The following TMCO4 variants were observed in gnomAD, a reference collection of about 807,000 sequenced individuals.
TMCO4 encodes transmembrane and coiled-coil domain-containing protein 4.
A neutral mutation model predicts 64.7 loss-of-function variants in TMCO4; 58 were observed. The observed-to-expected ratio is 0.90, with a 90% CI of 0.73 to 1.12. The LOEUF (loss-of-function observed/expected upper bound fraction) is 1.12, where lower values mean the gene tolerates loss of function less well. Ranked by LOEUF, TMCO4 falls within the 50% of genes most tolerant of loss-of-function variation. The pLI, the probability that TMCO4 is intolerant of heterozygous loss-of-function variation, is 0.00. For synonymous variants in TMCO4, 325 were observed against 346.1 expected (o/e 0.94, Z 0.68); for missense variants, 780 against 825.9 (o/e 0.94, Z 0.68).
At chr1:19,690,965 G>T (rs60770632) in intron 15 of TMCO4, among the ~76,000 whole-genome samples, 5,363 of 151,256 alleles carry the variant, frequency 0.035, 260 homozygotes, top group African/African-American at 0.12. Flanking sequence ...ACCTCCTGGG[G>T]TCATGCCATT....
chr1:19,700,909 C>T lies in TMCO4; in HGVS notation c.1265-24G>A, dbSNP rs780660774. 5.6e-6 allele frequency: 9 copies of T among 1,604,330 alleles called. No individual in the cohort carries two copies. In the East Asian group the frequency reaches 1.6e-4, roughly 28 times the overall value. On this transcript the variant is annotated intron_variant, in intron 13 of 15. Transcript: ENST00000294543. ...ATCTGGCAAAAGACCCCAGAAAAGG[C>T]CGTCAGTGTCCCTGGCCACATTGGG... is the stretch of plus-strand genomic sequence containing the variant.
intron 14 of TMCO4, among the ~76,000 whole-genome samples, chr1:19,699,635 C>G (rs2095258788): frequency 1.3e-5 from 2 of 152,012 alleles, no homozygotes; most frequent in South Asian, 4.1e-4. Context: ...CTCACTGCAA[C>G]CTCCGCCTCC....
rs137881130 is a variant in TMCO4, at chr1:19,778,434, T to C, written c.179+2146A>G. ...GACCACAGGTGTGCACCACCATGCCTGGCTAATTTTTGTATTTTTAGTAGA... is the reference window on the plus strand; with the variant it reads ...GACCACAGGTGTGCACCACCATGCCCGGCTAATTTTTGTATTTTTAGTAGA... On this transcript the variant is annotated intron_variant, in intron 4 of 15. Coordinates refer to ENST00000294543, the MANE Select transcript of TMCO4 (RefSeq NM_181719.7). 3.5e-4 allele frequency among the ~76,000 whole-genome samples: 54 copies of C among 152,122 alleles called. 1 individual carries two copies. The East Asian group carries it at 8.5e-3, about 24-fold the overall frequency.
chr1:19,695,502 C>T (rs999516512), intron 14 of TMCO4, among the ~76,000 whole-genome samples: 3 of 152,224 alleles, frequency 2.0e-5, no homozygotes, highest in Non-Finnish European at 4.4e-5. Flanking sequence ...TTTATGTGGA[C>T]TAAATACATG....
intron 15 of TMCO4, among the ~76,000 whole-genome samples, chr1:19,693,163 T>A (rs1459687895): frequency 1.8e-4 from 2 of 11,262 alleles, no homozygotes; most frequent in Non-Finnish European, 3.6e-4. Flanking sequence ...AGACCCCATC[T>A]CAAAAAAAAA....
rs1036267223 is a variant in TMCO4, at chr1:19,691,059, G to A, written c.1500+3375C>T. On this transcript the variant is annotated intron_variant, in intron 15 of 15. Transcript: ENST00000294543. ...AATTTTTTGTATTTTTAGTAGAGAC[G>A]GAGTTTCACTGTGTTAGCCAGGATG... Among the ~76,000 whole-genome samples the A allele has an allele frequency of 3.3e-5, 5 of 151,834 alleles. No individual in the cohort carries two copies. The South Asian group carries it at 8.3e-4, about 25-fold the overall frequency.
At position 19,780,586 on chromosome 1, in the gene TMCO4, T is replaced by C; in HGVS notation, c.173A>G (p.Glu58Gly). ...ISLSQLFPEP[E>G]HSSFCTEFMA... is the part of the protein sequence containing the mutation. Reference sequence around the variant, plus strand: ...GCAAGACAGAAGAACTCACCTGTGTTCGGGTTCAGGAAATAACTGGGACAG... The same window carrying C: ...GCAAGACAGAAGAACTCACCTGTGTCCGGGTTCAGGAAATAACTGGGACAG... The change falls in exon 4 of 16, where the codon GAA (glutamate) becomes GGA (glycine). Residue 58 changes from glutamate (E) to glycine (G), a missense_variant. By Grantham distance (98) the Glu-to-Gly change is moderately conservative. Transcript: ENST00000294543. The C allele has an allele frequency of 6.3e-7, 1 of 1,598,958 alleles. No individual in the cohort carries two copies. The highest frequency in any genetic ancestry group is 8.5e-7 in the Non-Finnish European group (1 of 1,173,450).
At chr1:19,745,210 G>A (rs2041712530) in intron 10 of TMCO4, among the ~76,000 whole-genome samples, 1 of 147,176 alleles carries the variant, frequency 6.8e-6, no homozygotes, top group Admixed American at 7.0e-5. Flanking sequence ...ATGGATGGAT[G>A]GATAGATAGA....
intron 15 of TMCO4, among the ~76,000 whole-genome samples, chr1:19,685,706 G>GTTTCTT (rs1553122761): frequency 2.0e-5 from 1 of 49,842 alleles, no homozygotes; most frequent in Non-Finnish European, 4.0e-5. Context: ...ATCCAGGCCT[G>GTTTCTT]TTTCTTTTTT....
intron 6 of TMCO4, among the ~76,000 whole-genome samples, chr1:19,764,099 G>A (rs1045106984): frequency 2.0e-5 from 3 of 152,240 alleles, no homozygotes; most frequent in Admixed American, 6.5e-5. Context: ...AGTAAGAGAA[G>A]CAGCTCCTTT....
intron 6 of TMCO4, among the ~76,000 whole-genome samples, chr1:19,769,067 C>G (rs1262647460): frequency 1.3e-5 from 2 of 152,210 alleles, no homozygotes; most frequent in Non-Finnish European, 2.9e-5. Flanking sequence ...CTCATCCGCC[C>G]TGCTGCGTGG....
intron 13 of TMCO4, among the ~76,000 whole-genome samples, chr1:19,728,209 A>T (rs1032385200): frequency 1.3e-5 from 2 of 152,180 alleles, no homozygotes; most frequent in Non-Finnish European, 2.9e-5. Context: ...CTAAAATAAA[A>T]GGTTTTAAGT....
At chr1:19,729,564 G>A (rs900904684) in intron 13 of TMCO4, among the ~76,000 whole-genome samples, 111 of 151,354 alleles carry the variant, frequency 7.3e-4, no homozygotes, top group African/African-American at 2.6e-3. Flanking sequence ...TCAGGAGTTT[G>A]AGACCAGCCT....
At chr1:19,778,598 C>A (rs1370350204) in intron 4 of TMCO4, among the ~76,000 whole-genome samples, 3 of 152,186 alleles carry the variant, frequency 2.0e-5, no homozygotes, top group Admixed American at 6.5e-5. Context: ...AATCACCCTG[C>A]AGCATGGGTA....
intron 6 of TMCO4, among the ~76,000 whole-genome samples, chr1:19,766,237 G>C (rs944941151): frequency 6.6e-6 from 1 of 152,172 alleles, no homozygotes; most frequent in Admixed American, 6.5e-5. Context: ...GGATGCAAAG[G>C]TAAACAGGCC....
At chr1:19,759,625 A>T (rs1225844661) in intron 6 of TMCO4, among the ~76,000 whole-genome samples, 2 of 152,132 alleles carry the variant, frequency 1.3e-5, no homozygotes, top group Non-Finnish European at 2.9e-5. Flanking sequence ...GCTGTTCTTG[A>T]TATCTGGGAA....
intron 13 of TMCO4, among the ~76,000 whole-genome samples, chr1:19,724,694 C>G (rs939151305): frequency 1.3e-5 from 2 of 152,280 alleles, no homozygotes; most frequent in South Asian, 2.1e-4. Context: ...GGTACCCAGA[C>G]AGTAACTAGT....
intron 6 of TMCO4, among the ~76,000 whole-genome samples, chr1:19,761,518 C>T (rs1469160270): frequency 6.6e-6 from 1 of 152,212 alleles, no homozygotes; most frequent in Non-Finnish European, 1.5e-5. Flanking sequence ...CCTCAGGGTA[C>T]CTGTTCCTCC....
chr1:19,698,528 A>C (rs1407750386), intron 14 of TMCO4, among the ~76,000 whole-genome samples: 2 of 152,232 alleles, frequency 1.3e-5, no homozygotes, highest in East Asian at 3.9e-4. Flanking sequence ...TAAATTACAC[A>C]TGAGTAAACT....
Sources: gnomAD v4.1 joint callset for allele counts (sites outside exome capture counted in the v4.1 genomes callset) on GRCh38, gnomAD v4.1.1 for gene constraint, MANE v1.5 for transcripts, NCBI Gene and HGNC (gene_info 2026-07-23, HGNC 2026-07-21) for gene names.